The following ALMS1 variants were observed in gnomAD, a reference collection of about 807,000 sequenced individuals.
ALMS1 encodes ALMS1 centrosome and basal body associated protein.
ALMS1 carries 271 observed loss-of-function variants against 352.2 expected under a neutral mutation model. The ratio of observed to expected loss-of-function variants is 0.77; its 90% confidence interval spans 0.70 to 0.85. The LOEUF is 0.85. Among genes scored for constraint, ALMS1 ranks in the 40% least tolerant of loss-of-function variants. The pLI is 0.00. For synonymous variants in ALMS1, 1,865 were observed against 1,761.2 expected (o/e 1.06, Z -1.48); for missense variants, 5,445 against 4,870.7 (o/e 1.12, Z -3.51).
intron 16 of ALMS1, among the ~76,000 whole-genome samples, chr2:73,575,220 T>C (rs755314767): frequency 2.0e-5 from 3 of 152,208 alleles, no homozygotes; most frequent in Non-Finnish European, 4.4e-5. Flanking sequence ...AGAATTGATA[T>C]AGAACGTTTG....
chr2:73,485,128 T>G (rs201798578), intron 9 of ALMS1, among the ~76,000 whole-genome samples: 1,593 of 123,088 alleles, frequency 0.013, no homozygotes, highest in South Asian at 0.021. Flanking sequence ...GGAACTGTGT[T>G]CCTTTGGAGG....
intron 15 of ALMS1, among the ~76,000 whole-genome samples, chr2:73,560,916 C>G (rs908849246): frequency 6.6e-6 from 1 of 152,212 alleles, no homozygotes; most frequent in Non-Finnish European, 1.5e-5. Flanking sequence ...ATTGAGTGCA[C>G]TCAGGCCCAG....
chr2:73,504,771 T>C (rs1039576208), intron 10 of ALMS1, among the ~76,000 whole-genome samples: 5 of 152,160 alleles, frequency 3.3e-5, no homozygotes, highest in Admixed American at 6.5e-5. Flanking sequence ...GGAATACATG[T>C]GCTGAATGTT....
At chr2:73,463,131 C>A (rs1672244720) in intron 9 of ALMS1, among the ~76,000 whole-genome samples, 1 of 152,212 alleles carries the variant, frequency 6.6e-6, no homozygotes, top group Non-Finnish European at 1.5e-5. Context: ...CAGAACTCTC[C>A]ACCCCAAATC....
rs1224727067 is a variant in ALMS1 at position 73,449,089 on chromosome 2, C to G, written c.2562C>G (p.Thr854=). 1 of 1,614,050 alleles carries G rather than the reference C, an allele frequency of 6.2e-7. No individual in the cohort carries two copies. Reference sequence around the variant, plus strand: ...GAAAGACTGGGACACCAGCTGTAACCTCTACTTCCTCTGCGTCCTCTTCAC... The same window carrying G: ...GAAAGACTGGGACACCAGCTGTAACGTCTACTTCCTCTGCGTCCTCTTCAC... The part of the protein sequence containing the change: ...ADGKTGTPAV[T]STSSASSSLG... The change falls in exon 8 of 23, where the codon ACC becomes ACG. Residue 854 remains threonine, a synonymous_variant. Coordinates refer to ENST00000613296, the MANE Select transcript of ALMS1 (RefSeq NM_001378454.1).
intron 1 of ALMS1, among the ~76,000 whole-genome samples, chr2:73,396,550 CTTTT>C (rs60473435): frequency 2.9e-3 from 224 of 78,256 alleles, no homozygotes; most frequent in South Asian, 0.016. Flanking sequence ...GGTCTGAGCT[CTTTT>C]TTTTTTTTTT....
intron 5 of ALMS1, 88 bp from the exon 6 acceptor site, chr2:73,426,365 A>G (rs1489125097): frequency 7.6e-6 from 10 of 1,317,736 alleles, no homozygotes; most frequent in Admixed American, 6.7e-5. Context: ...GAAAGCTGAT[A>G]TAGGCCAAGG....
intron 9 of ALMS1, chr2:73,458,257 TA>T (rs1215563069): frequency 1.3e-5 from 2 of 152,176 alleles, no homozygotes; most frequent in East Asian, 3.9e-4. Flanking sequence ...TTGGACCTTT[TA>T]TTTTTTTAAC....
At chr2:73,413,960 T>G (rs2421547) in intron 2 of ALMS1, among the ~76,000 whole-genome samples, 145,799 of 152,250 alleles carry the variant, frequency 0.96, 69,862 homozygotes, top group East Asian at 1. Flanking sequence ...GGTTGTGTGA[T>G]TTTTCCCACT....
At chr2:73,477,204 T>C (rs1672601533) in intron 9 of ALMS1, among the ~76,000 whole-genome samples, 1 of 152,150 alleles carries the variant, frequency 6.6e-6, no homozygotes, top group Non-Finnish European at 1.5e-5. Flanking sequence ...CGTCTTTGCA[T>C]ATAGATATTG....
chr2:73,565,648 C>A (rs1674786480), intron 15 of ALMS1, among the ~76,000 whole-genome samples: 1 of 152,184 alleles, frequency 6.6e-6, no homozygotes, highest in Non-Finnish European at 1.5e-5. Context: ...CTGGCAAACA[C>A]TGGCTCAGCC....
chr2:73,398,032 A>G (rs1558629684), intron 1 of ALMS1, among the ~76,000 whole-genome samples: 1 of 152,220 alleles, frequency 6.6e-6, no homozygotes, highest in African/African-American at 2.4e-5. Flanking sequence ...TTAGTATTGT[A>G]TCCAAAAAGC....
chr2:73,434,038 G>C (rs1423439556), intron 7 of ALMS1, among the ~76,000 whole-genome samples: 1 of 151,414 alleles, frequency 6.6e-6, no homozygotes, highest in Non-Finnish European at 1.5e-5. Flanking sequence ...TGTCAATTTT[G>C]CTGATTTTTT....
intron 12 of ALMS1, among the ~76,000 whole-genome samples, chr2:73,545,181 GTT>G (rs199515863): frequency 5.9e-4 from 82 of 139,838 alleles, no homozygotes; most frequent in African/African-American, 1.8e-3. Flanking sequence ...ATTTTTTGTG[GTT>G]TTTTTTTTTT....
chr2:73,603,702 A>G, intron 21 of ALMS1: 1 of 259,322 alleles, frequency 3.9e-6, no homozygotes, highest in Non-Finnish European at 7.5e-6. Flanking sequence ...TCTACTCAAA[A>G]TACAAAAATT....
At chr2:73,399,844 G>C (rs114086966) in intron 1 of ALMS1, among the ~76,000 whole-genome samples, 1 of 151,636 alleles carries the variant, frequency 6.6e-6, no homozygotes, top group Admixed American at 6.6e-5. Flanking sequence ...TGAGAATATC[G>C]TGAAGAGGTT....
At chr2:73,529,083 G>A (rs1169058963) in intron 11 of ALMS1, among the ~76,000 whole-genome samples, 14 of 128,926 alleles carry the variant, frequency 1.1e-4, no homozygotes, top group Admixed American at 3.8e-4. Context: ...TTGCTCTGTC[G>A]CTGAGGATGG....
upstream of ALMS1, chr2:73,385,831 T>TCCCCCTCCCTCCCCC: frequency 2.8e-6 from 1 of 355,820 alleles, no homozygotes; most frequent in Non-Finnish European, 5.3e-6. Context: ...CCTCCCCCCC[T>TCCCCCTCCCTCCCCC]CCTCCTCCTC....
At chr2:73,552,062 T>C (rs984860294) in intron 13 of ALMS1, among the ~76,000 whole-genome samples, 2 of 152,160 alleles carry the variant, frequency 1.3e-5, no homozygotes, top group African/African-American at 4.8e-5. Context: ...TTTTATTTTA[T>C]TATTGTTATA....
Sources: allele counts gnomAD v4.1 joint callset (sites outside exome capture counted in the v4.1 genomes callset), GRCh38; gene constraint gnomAD v4.1.1; transcripts MANE v1.5; gene names NCBI Gene and HGNC (gene_info 2026-07-23, HGNC 2026-07-21).